The following LMBRD1 variants were observed in gnomAD, a reference collection of about 807,000 sequenced individuals.
The protein encoded by LMBRD1 is lysosomal cobalamin transport escort protein LMBD1.
Under a neutral mutation model 74.8 loss-of-function variants are expected in LMBRD1, and 64 were observed. That is an observed-to-expected ratio of 0.86 (90% CI 0.70 to 1.05). The LOEUF (loss-of-function observed/expected upper bound fraction) is 1.05, where lower values mean the gene tolerates loss of function less well. LMBRD1 is among the 50% of genes least tolerant of loss of function. LMBRD1 has a pLI of 0.00. For missense variants in LMBRD1, 652 were observed against 645.9 expected (o/e 1.01, Z -0.10); for synonymous variants, 204 against 216.3 (o/e 0.94, Z 0.50).
intron 14 of LMBRD1, among the ~76,000 whole-genome samples, chr6:69,689,184 GAGATTT>G (rs1765828244): frequency 6.6e-6 from 1 of 152,076 alleles, no homozygotes; most frequent in Admixed American, 6.5e-5. Context: ...TCTAAGAATG[GAGATTT>G]CATAGCTTGG....
intron 1 of LMBRD1, 155 bp from the exon 2 acceptor site, chr6:69,790,627 G>T: frequency 5.7e-6 from 4 of 702,962 alleles, no homozygotes; most frequent in Non-Finnish European, 7.4e-6. Context: ...ACTTGTCCAA[G>T]ATGTATAATT....
chr6:69,796,857 C>T lies in LMBRD1; in HGVS notation c.25G>A (p.Ala9Thr), dbSNP rs1333397023. MATSGAAS[A>T]ELVIGWCIFG... ...ATGCACCAGCCGATCACCAGCTCCG[C>T]CGAGGCCGCGCCAGAAGTCGCCATC... Residue 9 changes from alanine (A) to threonine (T), a missense_variant, in exon 1 of 16, where the codon GCG (alanine) becomes ACG (threonine). Physicochemically the swap from Ala to Thr is moderately conservative, Grantham distance 58. Around this residue, in one of 3 missense-constraint regions of LMBRD1, gnomAD observed 598 missense variants for 581.8 expected, o/e 1.03. Transcript: ENST00000649934. The T allele has an allele frequency of 1.9e-6, 3 of 1,614,142 alleles. No homozygotes were observed. Among genetic ancestry groups the T allele is most frequent in the Middle Eastern group, 3.3e-4 (2 of 6,062 alleles).
At chr6:69,710,095 T>C (rs1434301727) in intron 9 of LMBRD1, among the ~76,000 whole-genome samples, 1 of 149,950 alleles carries the variant, frequency 6.7e-6, no homozygotes, top group Non-Finnish European at 1.5e-5. Context: ...GAATAATTTA[T>C]ACTACCTAAC....
chr6:69,705,382 C>T (rs768934186), intron 9 of LMBRD1: 166 of 904,966 alleles, frequency 1.8e-4, no homozygotes, highest in Non-Finnish European at 2.6e-4. Context: ...TTGGCTTCCA[C>T]TTTGGGAAGA....
chr6:69,778,623 T>C (rs1040643638), intron 3 of LMBRD1, among the ~76,000 whole-genome samples: 2 of 152,190 alleles, frequency 1.3e-5, no homozygotes, highest in African/African-American at 2.4e-5. Context: ...TTTAGTGTCA[T>C]ACAGGTGACA....
At chr6:69,705,497 T>C (rs1766232748) in intron 9 of LMBRD1, 7 of 1,239,452 alleles carry the variant, frequency 5.6e-6, no homozygotes, top group Non-Finnish European at 8.1e-6. Context: ...TGAAGGATTC[T>C]TACCCGTTTG....
At chr6:69,768,150 A>G (rs1205464658) in intron 3 of LMBRD1, among the ~76,000 whole-genome samples, 1 of 151,848 alleles carries the variant, frequency 6.6e-6, no homozygotes, top group African/African-American at 2.4e-5. Flanking sequence ...ATCTCATTTG[A>G]TTGGGGGTAT....
chr6:69,711,324 G>A (rs749752236), intron 9 of LMBRD1, among the ~76,000 whole-genome samples: 7 of 152,050 alleles, frequency 4.6e-5, no homozygotes, highest in South Asian at 2.1e-4. Context: ...CTGAGCTCAG[G>A]GGAGCAAGAG....
rs1395189037 is a variant in LMBRD1, at chr6:69,719,716, C to T, written c.637-635G>A. Among the ~76,000 whole-genome samples the T allele has an allele frequency of 3.3e-5, 5 of 152,100 alleles. No homozygotes were observed. The East Asian group carries it at 9.6e-4, about 29-fold the overall frequency. ...TATAATCATTAATAATACTTAATGG[C>T]ATCTGCTACATAACCATTATTCAGA... On this transcript the variant is annotated intron_variant, in intron 7 of 15. Coordinates refer to ENST00000649934, the MANE Select transcript of LMBRD1 (RefSeq NM_018368.4).
chr6:69,756,369 A>T (rs1350746163), intron 3 of LMBRD1, among the ~76,000 whole-genome samples: 1 of 152,032 alleles, frequency 6.6e-6, no homozygotes, highest in African/African-American at 2.4e-5. Context: ...TCTCAAAAAA[A>T]AAAAAAAGAA....
At chr6:69,776,959 C>T (rs1008408869) in intron 3 of LMBRD1, among the ~76,000 whole-genome samples, 1 of 151,868 alleles carries the variant, frequency 6.6e-6, no homozygotes, top group African/African-American at 2.4e-5. Context: ...CTAGTATGAC[C>T]AACATGGCAA....
At chr6:69,748,871 C>T (rs936559774) in intron 5 of LMBRD1, among the ~76,000 whole-genome samples, 1 of 151,874 alleles carries the variant, frequency 6.6e-6, no homozygotes, top group African/African-American at 2.4e-5. Flanking sequence ...GATGCACAGA[C>T]AAGAATTTTC....
intron 14 of LMBRD1, among the ~76,000 whole-genome samples, chr6:69,688,998 T>G (rs182531295): frequency 6.6e-6 from 1 of 152,130 alleles, no homozygotes; most frequent in Non-Finnish European, 1.5e-5. Flanking sequence ...GTAAACTTGG[T>G]GGGATTTGGA....
chr6:69,701,301 AAAAT>A, intron 11 of LMBRD1, 138 bp downstream of exon 11: 1 of 585,806 alleles, frequency 1.7e-6, no homozygotes. Flanking sequence ...GTAAAACTAG[AAAAT>A]AATATAAGCA....
At chr6:69,737,844 A>G (rs1384808156) in intron 7 of LMBRD1, 98 bp downstream of exon 7, 7 of 858,914 alleles carry the variant, frequency 8.1e-6, no homozygotes, top group Non-Finnish European at 1.3e-5. Flanking sequence ...AAGAATCAAA[A>G]TATTATAAAG....
chr6:69,782,230 C>A (rs1235295569), intron 2 of LMBRD1, among the ~76,000 whole-genome samples: 1 of 152,204 alleles, frequency 6.6e-6, no homozygotes, highest in East Asian at 1.9e-4. Flanking sequence ...CAAATTACCT[C>A]AGGAGCTCTT....
chr6:69,711,000 A>G (rs1056153690), intron 9 of LMBRD1, among the ~76,000 whole-genome samples: 18 of 152,314 alleles, frequency 1.2e-4, no homozygotes, highest in African/African-American at 4.3e-4. Context: ...AGGTTTGTAC[A>G]AAAGTGTTCA....
At position 69,674,578 on chromosome 6, in the gene LMBRD1, A is replaced by T. The variant is rs1401948379; in HGVS notation, c.*1580T>A. 6.6e-6 allele frequency among the ~76,000 whole-genome samples: 1 copy of T among 152,240 alleles called. No individual in the cohort carries two copies. The highest frequency in any genetic ancestry group is 2.4e-5 in the African/African-American group (1 of 41,476). ...AATACTTCAATTTTCAAAATGTTAC[A>T]GTTGAAGCAGTAATTTCTAGCTAAA... On this transcript the variant is annotated 3_prime_UTR_variant, in exon 16 of 16. Transcript: ENST00000649934.
chr6:69,788,840 C>T (rs1319683189), intron 2 of LMBRD1, among the ~76,000 whole-genome samples: 1 of 152,212 alleles, frequency 6.6e-6, no homozygotes, highest in Non-Finnish European at 1.5e-5. Context: ...CAAGAAACCT[C>T]ATGAACAAAG....
Sources: allele counts gnomAD v4.1 joint callset (sites outside exome capture counted in the v4.1 genomes callset), GRCh38; gene constraint gnomAD v4.1.1; regional missense constraint gnomAD v4.1.1; transcripts MANE v1.5; gene names NCBI Gene and HGNC (gene_info 2026-07-23, HGNC 2026-07-21).